CEP83: variants seen among roughly 807,000 people sequenced by gnomAD.
CEP83 encodes centrosomal protein 83.
In CEP83, 70 loss-of-function variants were observed where a neutral mutation model predicts 101.9. The observed-to-expected ratio is 0.69, with a 90% CI of 0.57 to 0.84. CEP83 has a LOEUF of 0.84. Ranked by LOEUF, CEP83 falls within the 40% of genes least tolerant of loss-of-function variation. The probability of loss-of-function intolerance (pLI) is 0.00; values close to 1 mark genes in which losing one functional copy is unlikely to be tolerated. For missense variants in CEP83, 715 were observed against 787.2 expected (o/e 0.91, Z 1.10); for synonymous variants, 264 against 267.9 (o/e 0.99, Z 0.14).
intron 11 of CEP83, among the ~76,000 whole-genome samples, chr12:94,345,581 C>T (rs1032569298): frequency 1.3e-5 from 2 of 152,114 alleles, no homozygotes; most frequent in Non-Finnish European, 2.9e-5. Context: ...AGGCCACACA[C>T]ACTAAAAATA....
In CEP83 at chr12:94,312,903, A is replaced by C; in HGVS notation, c.1811+11T>G. ...AACCACATGGGGAAGATACACATAC[A>C]AACACATTACCTATTTAAGACCTGA... On this transcript the variant is annotated intron_variant, in intron 15 of 16. Transcript: ENST00000397809. 6.9e-7 allele frequency: 1 copy of C among 1,441,462 alleles called. No homozygotes were observed. Among genetic ancestry groups the C allele is most frequent in the Non-Finnish European group, 9.6e-7 (1 of 1,036,772 alleles). The allele number at this position is 1,441,462 out of a possible 1,614,324, so 89.3% of individuals were successfully genotyped here.
At chr12:94,406,119 A>C (rs1008323445) in intron 4 of CEP83, among the ~76,000 whole-genome samples, 1 of 152,162 alleles carries the variant, frequency 6.6e-6, no homozygotes, top group Non-Finnish European at 1.5e-5. Flanking sequence ...AATAATTAGC[A>C]CTACACTAAA....
chr12:94,363,443 A>T (rs139481568), intron 11 of CEP83, among the ~76,000 whole-genome samples: 10 of 152,318 alleles, frequency 6.6e-5, no homozygotes, highest in African/African-American at 2.4e-4. Context: ...TTCCTCAAAA[A>T]ATTAAAAACA....
chr12:94,403,516 G>C (rs1005465411), intron 4 of CEP83, among the ~76,000 whole-genome samples: 6 of 152,134 alleles, frequency 3.9e-5, no homozygotes, highest in Non-Finnish European at 7.4e-5. Context: ...TATTGCTATT[G>C]TTAGGAATAA....
intron 6 of CEP83, among the ~76,000 whole-genome samples, chr12:94,389,842 C>T (rs1050659437): frequency 5.3e-5 from 8 of 152,244 alleles, no homozygotes; most frequent in South Asian, 2.1e-4. Flanking sequence ...GTGGGTCCCA[C>T]GCCCACGGAG....
downstream of CEP83, chr12:94,306,257 C>T (rs1361441948): frequency 1.3e-5 from 2 of 151,608 alleles, no homozygotes; most frequent in South Asian, 2.1e-4. Flanking sequence ...TACATTTTAT[C>T]GAATTGCTGT....
chr12:94,394,649 T>A (rs191639147), intron 6 of CEP83, among the ~76,000 whole-genome samples: 75 of 152,286 alleles, frequency 4.9e-4, no homozygotes, highest in African/African-American at 1.7e-3. Context: ...CTAAAGAGCT[T>A]CTGCATGGCA....
In CEP83 at chr12:94,384,050, C is replaced by T. The variant is rs1026333840; in HGVS notation, c.550-5008G>A. Among the ~76,000 whole-genome samples, 4 of 152,066 alleles carry T rather than the reference C, an allele frequency of 2.6e-5. No homozygotes were observed. In the East Asian group the frequency reaches 7.7e-4, roughly 29 times the overall value. On this transcript the variant is annotated intron_variant, in intron 6 of 16. Transcript: ENST00000397809. ...TACCCACAGTTCTGTTTACCATGTA[C>T]ATTTATCCTTCCTAATACTTTGAGA...
chr12:94,347,772 T>C (rs1464933866), intron 11 of CEP83, among the ~76,000 whole-genome samples: 2 of 151,990 alleles, frequency 1.3e-5, no homozygotes, highest in Non-Finnish European at 1.5e-5. Context: ...AAGTCACGGG[T>C]TGCCTAATGT....
the CEP83 span, among the ~76,000 whole-genome samples, chr12:94,284,600 A>G: frequency 6.6e-6 from 1 of 151,826 alleles, no homozygotes; most frequent in Non-Finnish European, 1.5e-5. Context: ...GTCCTACGAG[A>G]TAGGTACTAT....
At position 94,388,678 on chromosome 12, in the gene CEP83, T is replaced by A. The variant is rs190928735; in HGVS notation, c.550-9636A>T. Among the ~76,000 whole-genome samples the A allele has an allele frequency of 3.9e-5, 6 of 152,310 alleles. No individual in the cohort carries two copies. The East Asian group carries it at 1.2e-3, about 29-fold the overall frequency. ...GAAAAGAGAAAATAATTTGGAAACT[T>A]TTTTTTACACTGACTTTAATTTGTG... On this transcript the variant is annotated intron_variant, in intron 6 of 16. Transcript: ENST00000397809.
chr12:94,383,212 C>T (rs763411617), intron 6 of CEP83, among the ~76,000 whole-genome samples: 36 of 152,128 alleles, frequency 2.4e-4, no homozygotes, highest in Non-Finnish European at 4.6e-4. Flanking sequence ...ATTAATGATT[C>T]CATGATATAG....
At chr12:94,390,194 A>G (rs2062431034) in intron 6 of CEP83, among the ~76,000 whole-genome samples, 1 of 152,182 alleles carries the variant, frequency 6.6e-6, no homozygotes, top group Non-Finnish European at 1.5e-5. Context: ...GTGTAGCATA[A>G]CTGGGAGACA....
chr12:94,447,661 G>C (rs2066909568), intron 1 of CEP83, among the ~76,000 whole-genome samples: 1 of 152,114 alleles, frequency 6.6e-6, no homozygotes, highest in Admixed American at 6.5e-5. Flanking sequence ...CTGTGTCGCT[G>C]AGTTTGTAAT....
intron 6 of CEP83, among the ~76,000 whole-genome samples, chr12:94,392,961 T>A (rs1450329642): frequency 2.0e-5 from 3 of 151,798 alleles, no homozygotes; most frequent in Admixed American, 6.6e-5. Context: ...CAATAACAGG[T>A]TCTGAAATTG....
chr12:94,279,823 A>G, the CEP83 span: 14 of 712,842 alleles, frequency 2.0e-5, 1 homozygote, highest in South Asian at 2.1e-4. Flanking sequence ...TTGGTCTCTC[A>G]TGGGCATCCT....
At chr12:94,317,179 T>G (rs1970844571) in intron 14 of CEP83, among the ~76,000 whole-genome samples, 1 of 152,250 alleles carries the variant, frequency 6.6e-6, no homozygotes. Context: ...TCAGTGACAT[T>G]GAGCTTTATT....
At position 94,378,864 on chromosome 12, in the gene CEP83, G is replaced by A. The variant is rs747518082; in HGVS notation, c.728C>T (p.Ala243Val). Residue 243 changes from alanine to valine, a missense_variant, in exon 7 of 17, where the codon GCT becomes GTT. By Grantham distance (64) the Ala-to-Val change is moderately conservative (BLOSUM62 0). Coordinates refer to ENST00000397809, the MANE Select transcript of CEP83 (RefSeq NM_016122.3). ...ELKAEKENSE[A>V]QVENAQRIQV... ...TATTCTTTGGGCATTTTCCACCTGAGCCTCAGAATTCTCCTTTTCAGCCTT... is the reference window on the plus strand; with the variant it reads ...TATTCTTTGGGCATTTTCCACCTGAACCTCAGAATTCTCCTTTTCAGCCTT... The A allele has an allele frequency of 1.7e-5, 27 of 1,613,932 alleles. 1 individual carries two copies. In the Admixed American group the frequency reaches 4.3e-4, roughly 26 times the overall value.
At chr12:94,406,859 G>C (rs561390599) in intron 4 of CEP83, among the ~76,000 whole-genome samples, 1 of 151,608 alleles carries the variant, frequency 6.6e-6, no homozygotes, top group African/African-American at 2.4e-5. Flanking sequence ...CACAGGAGGC[G>C]GAGCTTGCAG....
Sources: allele counts gnomAD v4.1 joint callset (sites outside exome capture counted in the v4.1 genomes callset), GRCh38; gene constraint gnomAD v4.1.1; transcripts MANE v1.5; gene names NCBI Gene and HGNC (gene_info 2026-07-23, HGNC 2026-07-21).